ADGRL4: variants seen among roughly 807,000 people sequenced by gnomAD.
ADGRL4 encodes adhesion G protein-coupled receptor L4.
In ADGRL4, 90 loss-of-function variants were observed where a neutral mutation model predicts 74.8. That is an observed-to-expected ratio of 1.20 (90% CI 1.02 to 1.43). The LOEUF (loss-of-function observed/expected upper bound fraction) is 1.43, where lower values mean the gene tolerates loss of function less well. ADGRL4 is among the 40% of genes most tolerant of loss of function. The pLI, the probability that ADGRL4 is intolerant of heterozygous loss-of-function variation, is 0.00. For missense variants in ADGRL4, 881 were observed against 814.3 expected, an observed-to-expected ratio of 1.08 and a Z score of -1.00; for synonymous variants, 311 against 279.2, an observed-to-expected ratio of 1.11 and a Z score of -1.14.
chr1:78,926,626 T>TAAA (rs1649120115), intron 8 of ADGRL4, among the ~76,000 whole-genome samples: 2 of 152,038 alleles, frequency 1.3e-5, no homozygotes, highest in Non-Finnish European at 2.9e-5. Context: ...ATAAACAGTG[T>TAAA]ACTTATAAAT....
chr1:79,004,068 C>A (rs1014841815), intron 2 of ADGRL4, among the ~76,000 whole-genome samples: 2 of 151,882 alleles, frequency 1.3e-5, no homozygotes, highest in Admixed American at 1.3e-4. Flanking sequence ...TTTTAAAGAG[C>A]CTATATAATT....
intron 7 of ADGRL4, among the ~76,000 whole-genome samples, chr1:78,931,778 A>C (rs1649247464): frequency 6.6e-6 from 1 of 151,412 alleles, no homozygotes; most frequent in Admixed American, 6.6e-5. Context: ...AGGAGTTGGC[A>C]ATCTTACTCT....
chr1:78,928,161 T>C (rs1344478432), intron 7 of ADGRL4, among the ~76,000 whole-genome samples: 3 of 151,610 alleles, frequency 2.0e-5, no homozygotes, highest in Non-Finnish European at 4.4e-5. Context: ...CAAAATCAAA[T>C]GATGAATCAA....
At chr1:78,899,883 A>G (rs1363189439) in intron 12 of ADGRL4, among the ~76,000 whole-genome samples, 7 of 152,046 alleles carry the variant, frequency 4.6e-5, no homozygotes, top group Non-Finnish European at 8.8e-5. Flanking sequence ...TCCCCCTCCA[A>G]AAAAATGTCC....
chr1:78,955,481 T>C (rs1570252531), intron 2 of ADGRL4, among the ~76,000 whole-genome samples: 5 of 152,214 alleles, frequency 3.3e-5, no homozygotes, highest in Admixed American at 3.3e-4. Flanking sequence ...GTTTATGATC[T>C]TGTATCGCAA....
chr1:78,937,231 G>A (rs7527922), intron 6 of ADGRL4, among the ~76,000 whole-genome samples: 7,129 of 152,178 alleles, frequency 0.047, 236 homozygotes, highest in African/African-American at 0.083. Flanking sequence ...GATGGCTTGA[G>A]GCCAGGGGTT....
chr1:78,962,132 C>T (rs976942598), intron 2 of ADGRL4, among the ~76,000 whole-genome samples: 3 of 152,138 alleles, frequency 2.0e-5, no homozygotes, highest in Non-Finnish European at 4.4e-5. Flanking sequence ...CCACTCACCT[C>T]AGTCTCCCAA....
At chr1:78,999,505 G>A (rs894615604) in intron 2 of ADGRL4, among the ~76,000 whole-genome samples, 4 of 152,082 alleles carry the variant, frequency 2.6e-5, no homozygotes, top group African/African-American at 7.2e-5. Flanking sequence ...CCCAGGAGGC[G>A]GAGCTGGCAG....
chr1:78,898,156 T>A (rs2035722), intron 12 of ADGRL4, among the ~76,000 whole-genome samples: 103,448 of 151,956 alleles, frequency 0.68, 35,683 homozygotes, highest in African/African-American at 0.79. Context: ...ATAATAAAAA[T>A]CAGTTTTCAG....
In ADGRL4 at chr1:78,923,831, A is replaced by AAAAACTCCAAATTCC. The variant is rs545726155; in HGVS notation, c.1084-2046_1084-2045insGGAATTTGGAGTTTT. 6.4e-3 allele frequency among the ~76,000 whole-genome samples: 980 copies of AAAAACTCCAAATTCC among 151,968 alleles called. 9 individuals are homozygous for AAAAACTCCAAATTCC. The highest frequency in any genetic ancestry group is 0.018 in the African/African-American group (767 of 41,542). On this transcript the variant is annotated intron_variant, in intron 8 of 14. Transcript: ENST00000370742. ...AAAAAGTTTAAAAACTCCAAATATT[A>AAAAACTCCAAATTCC]GAAGCTCTGCTGGGAAGTCTCATAA... is the stretch of plus-strand genomic sequence containing the variant.
intron 3 of ADGRL4, among the ~76,000 whole-genome samples, chr1:78,945,793 AGT>A (rs1649588144): frequency 1.3e-5 from 2 of 151,512 alleles, no homozygotes; most frequent in East Asian, 3.9e-4. Context: ...GCATATCTGA[AGT>A]GTGACTTTTA....
At chr1:78,987,435 T>C (rs971298336) in intron 2 of ADGRL4, among the ~76,000 whole-genome samples, 9 of 151,758 alleles carry the variant, frequency 5.9e-5, no homozygotes, top group African/African-American at 2.2e-4. Context: ...ACATTGGATG[T>C]ACAGTGTAAA....
At chr1:78,999,668 AC>A (rs1650797278) in intron 2 of ADGRL4, among the ~76,000 whole-genome samples, 1 of 152,190 alleles carries the variant, frequency 6.6e-6, no homozygotes, top group Admixed American at 6.5e-5. Flanking sequence ...GTATGATGGT[AC>A]AGTCACCGTG....
At chr1:78,954,992 A>G (rs759707530) in intron 2 of ADGRL4, among the ~76,000 whole-genome samples, 10 of 152,140 alleles carry the variant, frequency 6.6e-5, no homozygotes, top group Non-Finnish European at 1.5e-4. Context: ...GCTACTTAAC[A>G]AAAACAACAT....
In ADGRL4 at chr1:78,926,961, A is replaced by T. The variant is rs1227881328; in HGVS notation, c.1008T>A (p.Ile336=). The stretch of plus-strand genomic sequence containing the variant: ...GTGGGTTTGAGCTCATTGAGACTGA[A>T]ATTACTGAAGATATGACTCTTTCCT... The part of the protein sequence containing the change: ...EEEERVISSV[I]SVSMSSNPPT... The change falls in exon 8 of 15, where the codon ATT becomes ATA. Residue 336 remains isoleucine, a synonymous_variant. Coordinates refer to ENST00000370742, the MANE Select transcript of ADGRL4 (RefSeq NM_022159.4). 1 of 1,612,248 alleles carries T rather than the reference A, an allele frequency of 6.2e-7. No individual in the cohort carries two copies. Among genetic ancestry groups the T allele is most frequent in the African/African-American group, 1.3e-5 (1 of 74,974 alleles).
At chr1:78,904,621 T>C (rs982878653) in intron 12 of ADGRL4, among the ~76,000 whole-genome samples, 3 of 152,042 alleles carry the variant, frequency 2.0e-5, no homozygotes, top group African/African-American at 7.2e-5. Flanking sequence ...CACTTTCTTA[T>C]ATAATATGAC....
Position 78,946,314 on chromosome 1 carries a change from G to C in ADGRL4, c.285C>G (p.Asn95Lys). Reference protein sequence around the residue: ...MCVPGFRSSSNQDRFITNDGT... With the variant: ...MCVPGFRSSSKQDRFITNDGT... The stretch of plus-strand genomic sequence containing the variant: ...CATCATTAGTGATAAACCTGTCTTG[G>C]TTACTGCTGGATCTGAAGCCAGGTA... The change falls in exon 3 of 15, where the codon AAC (asparagine) becomes AAG (lysine). Residue 95 changes from asparagine (N) to lysine (K), a missense_variant. Transcript: ENST00000370742. 1 of 1,612,998 alleles carries C rather than the reference G, an allele frequency of 6.2e-7. No individual in the cohort carries two copies. The highest frequency in any genetic ancestry group is 8.5e-7 in the Non-Finnish European group (1 of 1,179,448).
intron 2 of ADGRL4, among the ~76,000 whole-genome samples, chr1:78,961,324 G>A (rs1053232315): frequency 1.3e-5 from 2 of 152,048 alleles, no homozygotes; most frequent in African/African-American, 4.8e-5. Flanking sequence ...TGTATCTTTA[G>A]TAGAGATGAG....
At chr1:78,934,780 T>C (rs559466329) in intron 7 of ADGRL4, among the ~76,000 whole-genome samples, 4 of 152,048 alleles carry the variant, frequency 2.6e-5, no homozygotes, top group Non-Finnish European at 5.9e-5. Context: ...AAGACATTTA[T>C]GCAGGCAACA....
Sources: allele counts gnomAD v4.1 joint callset (sites outside exome capture counted in the v4.1 genomes callset), GRCh38; gene constraint gnomAD v4.1.1; transcripts MANE v1.5; gene names NCBI Gene and HGNC (gene_info 2026-07-23, HGNC 2026-07-21).